The following NUBPL variants were observed in gnomAD, a reference collection of about 807,000 sequenced individuals.
NUBPL encodes the protein iron-sulfur cluster transfer protein NUBPL.
Under a neutral mutation model 45.7 loss-of-function variants are expected in NUBPL, and 31 were observed. The observed-to-expected ratio is 0.68, with a 90% CI of 0.51 to 0.92. NUBPL has a LOEUF of 0.92. Ranked by LOEUF, NUBPL falls within the 40% of genes least tolerant of loss-of-function variation. The pLI is 0.00. For synonymous variants in NUBPL, 144 were observed against 140.9 expected, an observed-to-expected ratio of 1.02 and a Z score of -0.15; for missense variants, 401 against 398.7, an observed-to-expected ratio of 1.01 and a Z score of -0.05.
intron 2 of NUBPL, 123 bp from the exon 3 acceptor site, chr14:31,564,891 T>TATTACATGAAAATATTAAA: frequency 1.6e-6 from 1 of 619,868 alleles, no homozygotes; most frequent in Non-Finnish European, 2.9e-6. Flanking sequence ...ATGCTTAGGT[T>TATTACATGAAAATATTAAA]ATTACATGAA....
intron 6 of NUBPL, among the ~76,000 whole-genome samples, chr14:31,713,525 T>G (rs961370517): frequency 6.6e-6 from 1 of 152,210 alleles, no homozygotes; most frequent in Non-Finnish European, 1.5e-5. Flanking sequence ...AACTCCAGTT[T>G]AGAATGGATT....
chr14:31,667,957 C>T (rs1460215089), intron 4 of NUBPL: 1 of 154,344 alleles, frequency 6.5e-6, no homozygotes, highest in African/African-American at 2.4e-5. Flanking sequence ...CACCAGATGC[C>T]AGCTGGAGCT....
intron 6 of NUBPL, among the ~76,000 whole-genome samples, chr14:31,682,112 G>T (rs573659065): frequency 6.6e-6 from 1 of 152,176 alleles, no homozygotes; most frequent in Non-Finnish European, 1.5e-5. Flanking sequence ...ATAAATTAAT[G>T]AGAGAGGAGT....
At chr14:31,776,745 C>T (rs1405684384) in intron 6 of NUBPL, among the ~76,000 whole-genome samples, 3 of 152,178 alleles carry the variant, frequency 2.0e-5, no homozygotes, top group Admixed American at 6.5e-5. Flanking sequence ...AGTTCCAAAT[C>T]GCCCCTTTAT....
chr14:31,839,210 T>C (rs977746662), intron 8 of NUBPL, among the ~76,000 whole-genome samples: 2 of 152,140 alleles, frequency 1.3e-5, no homozygotes, highest in African/African-American at 2.4e-5. Flanking sequence ...GTGACATACA[T>C]ACATAAAAGG....
Position 31,841,932 on chromosome 14 carries a change from T to TG in NUBPL, c.694-4539_694-4538insG, listed in dbSNP as rs1566593634. Reference sequence around the variant, plus strand: ...CGATTCTGGGCTTTTTTTTTTTTTTTTTTTTTTTTTTTTTTTGAGACGGGG... The same window carrying TG: ...CGATTCTGGGCTTTTTTTTTTTTTTTGTTTTTTTTTTTTTTTTGAGACGGGG... On this transcript the variant is annotated intron_variant, in intron 8 of 10. Coordinates refer to ENST00000281081, the MANE Select transcript of NUBPL (RefSeq NM_025152.3). Among the ~76,000 whole-genome samples the TG allele has an allele frequency of 4.8e-5, 6 of 123,750 alleles. 1 individual carries two copies. The highest frequency in any genetic ancestry group is 5.8e-4 in the South Asian group (2 of 3,460). 81.2% of individuals were successfully genotyped at this position (123,750 alleles called of 152,430 possible).
At chr14:31,690,637 C>T (rs1364067930) in intron 6 of NUBPL, among the ~76,000 whole-genome samples, 1 of 152,106 alleles carries the variant, frequency 6.6e-6, no homozygotes, top group Non-Finnish European at 1.5e-5. Context: ...GCTATCAAGC[C>T]CAAAAGAAAT....
chr14:31,570,127 CAT>C (rs1313694455), intron 3 of NUBPL, among the ~76,000 whole-genome samples: 10 of 152,256 alleles, frequency 6.6e-5, no homozygotes, highest in African/African-American at 2.2e-4. Flanking sequence ...GAAGAATAAA[CAT>C]ATACTGTGGA....
Position 31,689,016 on chromosome 14 carries a change from G to C in NUBPL, c.513+15442G>C, listed in dbSNP as rs575669154. On this transcript the variant is annotated intron_variant, in intron 6 of 10. Coordinates refer to ENST00000281081, the MANE Select transcript of NUBPL (RefSeq NM_025152.3). ...GATCTCATTTTTTTTTTTTGTGGCT[G>C]CATTGTATTCCATGGTGTATATGTA... Among the ~76,000 whole-genome samples, 3 of 151,260 alleles carry C rather than the reference G, an allele frequency of 2.0e-5. No homozygotes were observed. In the South Asian group the frequency reaches 6.3e-4, roughly 32 times the overall value.
intron 7 of NUBPL, among the ~76,000 whole-genome samples, chr14:31,810,567 G>A (rs933841776): frequency 2.6e-5 from 4 of 151,984 alleles, no homozygotes; most frequent in African/African-American, 9.7e-5. Context: ...TTGACTCTTT[G>A]TCCAGTTTGC....
chr14:31,576,127 A>C (rs1281870366), intron 3 of NUBPL, among the ~76,000 whole-genome samples: 2 of 151,204 alleles, frequency 1.3e-5, no homozygotes, highest in African/African-American at 4.9e-5. Context: ...TTTGTCGTGA[A>C]TATTTGATAA....
chr14:31,755,067 A>G (rs1178873740), intron 6 of NUBPL, among the ~76,000 whole-genome samples: 1 of 151,756 alleles, frequency 6.6e-6, no homozygotes, highest in Non-Finnish European at 1.5e-5. Context: ...CATGGTGTAT[A>G]TGTGCCACAT....
intron 4 of NUBPL, among the ~76,000 whole-genome samples, chr14:31,670,499 T>A (rs2036546324): frequency 6.6e-6 from 1 of 152,196 alleles, no homozygotes; most frequent in Non-Finnish European, 1.5e-5. Context: ...TGTCAATTTT[T>A]GCTTTTGTTG....
intron 6 of NUBPL, among the ~76,000 whole-genome samples, chr14:31,754,702 TTTA>T (rs895521654): frequency 1.3e-5 from 2 of 151,528 alleles, no homozygotes; most frequent in African/African-American, 4.8e-5. Flanking sequence ...AAAAATTTTT[TTTA>T]TTATTATTAT....
At chr14:31,719,502 AC>A (rs773827073) in intron 6 of NUBPL, among the ~76,000 whole-genome samples, 1 of 150,090 alleles carries the variant, frequency 6.7e-6, no homozygotes, top group East Asian at 2.0e-4. Flanking sequence ...AAAAAAAAAA[AC>A]TACCTTATTT....
At chr14:31,628,103 G>A (rs2035253657) in intron 4 of NUBPL, among the ~76,000 whole-genome samples, 1 of 152,148 alleles carries the variant, frequency 6.6e-6, no homozygotes, top group African/African-American at 2.4e-5. Context: ...GCCCCATACA[G>A]ACATGTAGTT....
chr14:31,694,220 A>T (rs2037164206), intron 6 of NUBPL, among the ~76,000 whole-genome samples: 1 of 152,178 alleles, frequency 6.6e-6, no homozygotes, highest in Non-Finnish European at 1.5e-5. Flanking sequence ...TGGGAGCTTA[A>T]TGTGAAGCTA....
At chr14:31,777,740 C>G (rs1311141173) in intron 6 of NUBPL, among the ~76,000 whole-genome samples, 1 of 152,148 alleles carries the variant, frequency 6.6e-6, no homozygotes, top group Non-Finnish European at 1.5e-5. Context: ...TCAGATGTTC[C>G]CAATTCACCT....
chr14:31,754,267 A>G (rs2038599100), intron 6 of NUBPL, among the ~76,000 whole-genome samples: 1 of 152,222 alleles, frequency 6.6e-6, no homozygotes, highest in Admixed American at 6.5e-5. Flanking sequence ...CTAGGCAGCA[A>G]TTATCACCGA....
Sources: allele counts gnomAD v4.1 joint callset (sites outside exome capture counted in the v4.1 genomes callset), GRCh38; gene constraint gnomAD v4.1.1; transcripts MANE v1.5; gene names NCBI Gene and HGNC (gene_info 2026-07-23, HGNC 2026-07-21).